RPS6KC1: variants seen among roughly 807,000 people sequenced by gnomAD.
The protein encoded by RPS6KC1 is ribosomal protein S6 kinase C1, also known as inactive ribosomal protein S6 kinase delta-1.
A neutral mutation model predicts 103.8 loss-of-function variants in RPS6KC1; 54 were observed. The observed-to-expected ratio is 0.52, with a 90% CI of 0.42 to 0.65. The LOEUF (loss-of-function observed/expected upper bound fraction) is 0.65, where lower values mean the gene tolerates loss of function less well. RPS6KC1 is among the 30% of genes least tolerant of loss of function. The probability of loss-of-function intolerance (pLI) is 0.00; values close to 1 mark genes in which losing one functional copy is unlikely to be tolerated. For synonymous variants in RPS6KC1, 439 were observed against 438.7 expected (o/e 1.00, Z -0.01); for missense variants, 1,151 against 1,253.8 (o/e 0.92, Z 1.24).
chr1:213,626,666 T>C, the RPS6KC1 span, among the ~76,000 whole-genome samples: 6 of 152,314 alleles, frequency 3.9e-5, no homozygotes, highest in South Asian at 2.1e-4. Flanking sequence ...TTTGCCAGCA[T>C]CATTTATTAA....
chr1:213,545,760 C>T, the RPS6KC1 span, among the ~76,000 whole-genome samples: 1 of 152,152 alleles, frequency 6.6e-6, no homozygotes, highest in Non-Finnish European at 1.5e-5. Flanking sequence ...AAGAGATCTG[C>T]TTCTAAGTTC....
chr1:213,259,720 G>A (rs2094734805), intron 12 of RPS6KC1, among the ~76,000 whole-genome samples: 2 of 147,188 alleles, frequency 1.4e-5, no homozygotes, highest in South Asian at 4.3e-4. Flanking sequence ...GTATATGTAG[G>A]TGTTGTTTTT....
the RPS6KC1 span, among the ~76,000 whole-genome samples, chr1:213,547,560 A>T: frequency 6.6e-6 from 1 of 152,220 alleles, no homozygotes. Context: ...TCCAAATCTC[A>T]CACTGAAATT....
chr1:213,730,708 C>T, the RPS6KC1 span, among the ~76,000 whole-genome samples: 1 of 152,136 alleles, frequency 6.6e-6, no homozygotes, highest in Non-Finnish European at 1.5e-5. Context: ...AAAATTTTCT[C>T]CCATTCTGTA....
chr1:213,243,455 T>G (rs2094399652), intron 12 of RPS6KC1, among the ~76,000 whole-genome samples: 1 of 152,120 alleles, frequency 6.6e-6, no homozygotes, highest in Non-Finnish European at 1.5e-5. Flanking sequence ...ATGATTTTAG[T>G]GATGTGCCAA....
chr1:213,182,345 A>G (rs1573070058), intron 8 of RPS6KC1, among the ~76,000 whole-genome samples: 1 of 152,032 alleles, frequency 6.6e-6, no homozygotes, highest in East Asian at 1.9e-4. Flanking sequence ...TACAAAAATT[A>G]ACCAGCATGG....
the RPS6KC1 span, among the ~76,000 whole-genome samples, chr1:213,551,088 T>A: frequency 6.6e-6 from 1 of 152,226 alleles, no homozygotes; most frequent in African/African-American, 2.4e-5. Flanking sequence ...TGCAGAATTT[T>A]TTATTTCTTC....
chr1:213,057,465 A>T (rs1459503055), intron 1 of RPS6KC1, among the ~76,000 whole-genome samples: 1 of 152,176 alleles, frequency 6.6e-6, no homozygotes. Context: ...AAGTTTCATC[A>T]TCCTAAAAAA....
At chr1:213,722,381 G>A in the RPS6KC1 span, among the ~76,000 whole-genome samples, 1 of 151,844 alleles carries the variant, frequency 6.6e-6, no homozygotes, top group Non-Finnish European at 1.5e-5. Context: ...TCCATTATTG[G>A]TCCTGATACT....
intron 12 of RPS6KC1, among the ~76,000 whole-genome samples, chr1:213,260,262 A>T (rs2094753757): frequency 6.6e-6 from 1 of 152,170 alleles, no homozygotes; most frequent in Admixed American, 6.5e-5. Context: ...AGCTAGTTGG[A>T]GAATGGAAAT....
chr1:213,849,577 TTTTC>T, the RPS6KC1 span, among the ~76,000 whole-genome samples: 1 of 152,324 alleles, frequency 6.6e-6, no homozygotes, highest in Middle Eastern at 3.4e-3. Flanking sequence ...TTTCAAAGCT[TTTTC>T]TCAGCTATTT....
At chr1:213,793,377 C>T in the RPS6KC1 span, among the ~76,000 whole-genome samples, 104 of 152,276 alleles carry the variant, frequency 6.8e-4, 1 homozygote, top group Middle Eastern at 3.4e-3. Context: ...AAACACCTCG[C>T]GACTGCCGTG....
chr1:213,766,644 G>C, the RPS6KC1 span, among the ~76,000 whole-genome samples: 18 of 152,300 alleles, frequency 1.2e-4, no homozygotes, highest in African/African-American at 4.1e-4. Flanking sequence ...CTCTTTTGCA[G>C]CAGTTAATTT....
intron 8 of RPS6KC1, among the ~76,000 whole-genome samples, chr1:213,183,108 A>G (rs112301326): frequency 5.3e-5 from 8 of 152,204 alleles, no homozygotes; most frequent in African/African-American, 1.7e-4. Context: ...TAAAAGGACA[A>G]TCTACCAAGA....
the RPS6KC1 span, among the ~76,000 whole-genome samples, chr1:213,778,921 G>T: frequency 9.2e-5 from 14 of 152,216 alleles, no homozygotes; most frequent in Non-Finnish European, 1.6e-4. Flanking sequence ...CTGACACTTT[G>T]TTAAGGGCTC....
chr1:213,250,596 T>C (rs2094528851), intron 12 of RPS6KC1, among the ~76,000 whole-genome samples: 3 of 152,196 alleles, frequency 2.0e-5, no homozygotes, highest in African/African-American at 4.8e-5. Context: ...TGTGAGACTA[T>C]AGGGAAGTTT....
the RPS6KC1 span, among the ~76,000 whole-genome samples, chr1:213,656,079 TATTA>T: frequency 1.3e-5 from 2 of 152,166 alleles, no homozygotes; most frequent in Non-Finnish European, 2.9e-5. Flanking sequence ...GCTTTATGAG[TATTA>T]ATTAATCCTC....
chr1:213,465,244 T>G, the RPS6KC1 span, among the ~76,000 whole-genome samples: 1 of 152,204 alleles, frequency 6.6e-6, no homozygotes, highest in African/African-American at 2.4e-5. Flanking sequence ...CAAAACCTCC[T>G]GTTCACAGAT....
the RPS6KC1 span, among the ~76,000 whole-genome samples, chr1:213,763,370 C>T: frequency 6.6e-6 from 1 of 152,158 alleles, no homozygotes; most frequent in Non-Finnish European, 1.5e-5. Context: ...TTCCCTTTCC[C>T]TGATGGGAAT....
Sources: gnomAD v4.1 joint callset for allele counts (sites outside exome capture counted in the v4.1 genomes callset) on GRCh38, gnomAD v4.1.1 for gene constraint, MANE v1.5 for transcripts, NCBI Gene and HGNC (gene_info 2026-07-23, HGNC 2026-07-21) for gene names.